The following ATP6V0E1 variants were observed in gnomAD, a reference collection of about 807,000 sequenced individuals.
ATP6V0E1 encodes the protein ATPase H+ transporting V0 subunit e1, also known as V-type proton ATPase subunit e 1.
ATP6V0E1 carries 4 observed loss-of-function variants against 11.6 expected under a neutral mutation model. That is an observed-to-expected ratio of 0.35 (90% CI 0.17 to 0.79). The LOEUF (loss-of-function observed/expected upper bound fraction) is 0.79. Ranked by LOEUF, ATP6V0E1 falls within the 30% of genes least tolerant of loss-of-function variation. The probability of loss-of-function intolerance (pLI) is 0.54; values close to 1 mark genes in which losing one functional copy is unlikely to be tolerated. For missense variants in ATP6V0E1, 105 were observed against 100.0 expected (o/e 1.05, Z -0.21); for synonymous variants, 36 against 34.8 (o/e 1.04, Z -0.13).
intron 3 of ATP6V0E1, among the ~76,000 whole-genome samples, chr5:173,031,807 A>G (rs1756660896): frequency 7.1e-6 from 1 of 140,836 alleles, no homozygotes; most frequent in African/African-American, 2.7e-5. Flanking sequence ...TGGGCGAGAG[A>G]GCGAGACTCT....
At chr5:172,991,114 G>C (rs556102526) in intron 1 of ATP6V0E1, among the ~76,000 whole-genome samples, 1 of 152,184 alleles carries the variant, frequency 6.6e-6, no homozygotes, top group East Asian at 1.9e-4. Context: ...ACTGCATCCA[G>C]CTAACTCCCC....
chr5:172,996,511 G>A (rs1756069525), intron 2 of ATP6V0E1, among the ~76,000 whole-genome samples: 1 of 151,386 alleles, frequency 6.6e-6, no homozygotes, highest in Admixed American at 6.6e-5. Flanking sequence ...GCAGTGAGCC[G>A]AGATTGCACC....
intron 2 of ATP6V0E1, among the ~76,000 whole-genome samples, chr5:173,018,081 C>T (rs1342236126): frequency 1.3e-5 from 2 of 152,112 alleles, no homozygotes; most frequent in Non-Finnish European, 2.9e-5. Context: ...TTCCGATCCC[C>T]TGCACAGTTG....
chr5:173,026,808 A>G (rs1423219810), intron 3 of ATP6V0E1, among the ~76,000 whole-genome samples: 6 of 152,166 alleles, frequency 3.9e-5, no homozygotes, highest in Non-Finnish European at 8.8e-5. Flanking sequence ...TCTCTGGTTT[A>G]AAGATATATA....
At chr5:173,015,314 T>A (rs1756384568) in intron 2 of ATP6V0E1, among the ~76,000 whole-genome samples, 1 of 152,210 alleles carries the variant, frequency 6.6e-6, no homozygotes, top group African/African-American at 2.4e-5. Flanking sequence ...ACAAATTTAG[T>A]CTTTGTTCCC....
At chr5:173,027,051 C>T (rs904451866) in intron 3 of ATP6V0E1, among the ~76,000 whole-genome samples, 27 of 150,990 alleles carry the variant, frequency 1.8e-4, no homozygotes, top group Non-Finnish European at 1.3e-4. Context: ...TGGTGGCAGA[C>T]GCCTGTAGTC....
intron 2 of ATP6V0E1, among the ~76,000 whole-genome samples, chr5:172,998,620 A>G (rs961860828): frequency 1.3e-5 from 2 of 151,710 alleles, no homozygotes; most frequent in African/African-American, 4.8e-5. Context: ...AAAAAAAAAA[A>G]AAAAAAAAAG....
chr5:173,004,685 C>T (rs1253984830), intron 2 of ATP6V0E1, among the ~76,000 whole-genome samples: 1 of 152,084 alleles, frequency 6.6e-6, no homozygotes, highest in African/African-American at 2.4e-5. Flanking sequence ...AGATATGAGA[C>T]CTGTTGAACT....
At chr5:172,994,080 T>A (rs1427907491) in intron 1 of ATP6V0E1, among the ~76,000 whole-genome samples, 1 of 151,964 alleles carries the variant, frequency 6.6e-6, no homozygotes, top group Non-Finnish European at 1.5e-5. Context: ...GAGAACTGGG[T>A]GAATTTTGTT....
In ATP6V0E1 at chr5:172,993,259, A is replaced by C. The variant is rs149302555; in HGVS notation, c.105-1516A>C. On this transcript the variant is annotated intron_variant, in intron 1 of 3. Transcript: ENST00000519374. ...CACAGTGGCTCATGCCTGTAATCCCAGCACTTTGGGAAGCATAGGTAGGTG... is the reference window on the plus strand; with the variant it reads ...CACAGTGGCTCATGCCTGTAATCCCCGCACTTTGGGAAGCATAGGTAGGTG... Among the ~76,000 whole-genome samples the C allele has an allele frequency of 7.1e-3, 1,076 of 152,316 alleles. 15 individuals carry two copies. Among genetic ancestry groups the C allele is most frequent in the African/African-American group, 0.025 (1,023 of 41,572 alleles).
chr5:173,014,910 C>T (rs1359918267), intron 2 of ATP6V0E1, among the ~76,000 whole-genome samples: 2 of 152,086 alleles, frequency 1.3e-5, no homozygotes, highest in Non-Finnish European at 2.9e-5. Context: ...GAAATGATAC[C>T]AACACAGAGA....
intron 2 of ATP6V0E1, among the ~76,000 whole-genome samples, chr5:173,002,274 A>C (rs2113590733): frequency 6.6e-6 from 1 of 152,374 alleles, no homozygotes; most frequent in East Asian, 1.9e-4. Flanking sequence ...TCATATTTAA[A>C]TTTCCGTAAT....
At chr5:172,985,298 T>G (rs1279532896) in intron 1 of ATP6V0E1, among the ~76,000 whole-genome samples, 1 of 152,122 alleles carries the variant, frequency 6.6e-6, no homozygotes, top group African/African-American at 2.4e-5. Flanking sequence ...CCTAATATTT[T>G]GTGACCTGAA....
At chr5:173,032,249 TTTTATTTA>T (rs1205061181) in intron 3 of ATP6V0E1, among the ~76,000 whole-genome samples, 2,535 of 132,106 alleles carry the variant, frequency 0.019, 32 homozygotes, top group Non-Finnish European at 0.023. Flanking sequence ...TTTTATTTTA[TTTTATTTA>T]TTTATTTATT....
chr5:173,032,257 A>AT (rs200070720), intron 3 of ATP6V0E1, among the ~76,000 whole-genome samples: 12,343 of 97,546 alleles, frequency 0.13, 835 homozygotes, highest in African/African-American at 0.25. Flanking sequence ...TATTTTATTT[A>AT]TTTATTTATT....
At chr5:173,031,928 C>G (rs1049149606) in intron 3 of ATP6V0E1, among the ~76,000 whole-genome samples, 23 of 151,756 alleles carry the variant, frequency 1.5e-4, no homozygotes, top group Admixed American at 1.3e-4. Flanking sequence ...GCAGATTGCT[C>G]AAGCCCAGAA....
At chr5:172,989,423 T>C (rs891338513) in intron 1 of ATP6V0E1, among the ~76,000 whole-genome samples, 16 of 152,340 alleles carry the variant, frequency 1.1e-4, no homozygotes, top group Non-Finnish European at 2.2e-4. Flanking sequence ...TTCAGCATTC[T>C]GATGTGCAGG....
intron 2 of ATP6V0E1, among the ~76,000 whole-genome samples, chr5:173,000,695 T>A (rs1023908624): frequency 6.7e-6 from 1 of 149,258 alleles, no homozygotes; most frequent in Non-Finnish European, 1.5e-5. Context: ...AGTAATATTA[T>A]CAGTGATTTT....
At chr5:173,031,527 C>G (rs1223056794) in intron 3 of ATP6V0E1, among the ~76,000 whole-genome samples, 1 of 148,650 alleles carries the variant, frequency 6.7e-6, no homozygotes, top group Non-Finnish European at 1.5e-5. Flanking sequence ...GATAAGAATA[C>G]AGGCTTCCTG....
Sources: gnomAD v4.1 joint callset for allele counts (sites outside exome capture counted in the v4.1 genomes callset) on GRCh38, gnomAD v4.1.1 for gene constraint, MANE v1.5 for transcripts, NCBI Gene and HGNC (gene_info 2026-07-23, HGNC 2026-07-21) for gene names.